RELN: variants seen among roughly 807,000 people sequenced by gnomAD.
The protein encoded by RELN is reelin.
In RELN, 108 loss-of-function variants were observed where a neutral mutation model predicts 427.6. The ratio of observed to expected loss-of-function variants is 0.25; its 90% CI spans 0.22 to 0.30. RELN has a LOEUF of 0.30. Ranked by LOEUF, RELN falls within the 10% of genes least tolerant of loss-of-function variation. The probability of loss-of-function intolerance (pLI) is 1.00; values close to 1 mark genes in which losing one functional copy is unlikely to be tolerated. For missense variants in RELN, 3,715 were observed against 4,302.8 expected, an observed-to-expected ratio of 0.86 and a Z score of 3.82; for synonymous variants, 1,524 against 1,513.4, an observed-to-expected ratio of 1.01 and a Z score of -0.16.
At chr7:103,647,150 T>C (rs1288772370) in intron 16 of RELN, among the ~76,000 whole-genome samples, 2 of 151,936 alleles carry the variant, frequency 1.3e-5, no homozygotes, top group Non-Finnish European at 2.9e-5. Flanking sequence ...AACTGGAACA[T>C]GATGAGGATG....
chr7:103,870,326 T>G (rs564695860), intron 2 of RELN, among the ~76,000 whole-genome samples: 1 of 152,220 alleles, frequency 6.6e-6, no homozygotes, highest in African/African-American at 2.4e-5. Flanking sequence ...AATGATACAA[T>G]GTAGAGAATC....
intron 7 of RELN, among the ~76,000 whole-genome samples, chr7:103,723,890 T>C (rs1354101810): frequency 6.6e-6 from 1 of 152,186 alleles, no homozygotes; most frequent in Non-Finnish European, 1.5e-5. Context: ...TTTCTGCTAC[T>C]TTTCCTTAGT....
intron 64 of RELN, chr7:103,476,656 C>A: frequency 3.8e-6 from 1 of 263,806 alleles, no homozygotes; most frequent in Non-Finnish European, 8.1e-6. Context: ...GCAAGCTATA[C>A]TAAAATGCTG....
At chr7:103,895,595 T>A (rs1794942669) in intron 2 of RELN, among the ~76,000 whole-genome samples, 1 of 152,056 alleles carries the variant, frequency 6.6e-6, no homozygotes. Context: ...TGATGCTACA[T>A]CATGAAAATG....
intron 47 of RELN, among the ~76,000 whole-genome samples, chr7:103,522,838 G>GACACACACACACACACAGAC (rs57364287): frequency 6.7e-6 from 1 of 149,604 alleles, no homozygotes; most frequent in East Asian, 2.1e-4. Context: ...CAGACACACA[G>GACACACACACACACACAGAC]ACACACACAC....
In RELN at chr7:103,902,981, A is replaced by C. The variant is rs182906597; in HGVS notation, c.337+14094T>G. Reference sequence around the variant, plus strand: ...TAAGTTTTTCTTGGATTTAACTGCCAGGAAAAGTCAACTTTATCCAAGAGT... The same window carrying C: ...TAAGTTTTTCTTGGATTTAACTGCCCGGAAAAGTCAACTTTATCCAAGAGT... On this transcript the variant is annotated intron_variant, in intron 2 of 64. Coordinates refer to ENST00000428762, the MANE Select transcript of RELN (RefSeq NM_005045.4). 6.6e-3 allele frequency among the ~76,000 whole-genome samples: 1,011 copies of C among 152,288 alleles called. 2 individuals carry two copies. The highest frequency in any genetic ancestry group is 0.011 in the Non-Finnish European group (716 of 68,006).
chr7:103,967,285 T>G (rs1016208444), intron 1 of RELN, among the ~76,000 whole-genome samples: 3 of 152,100 alleles, frequency 2.0e-5, no homozygotes, highest in African/African-American at 7.2e-5. Context: ...CCTTCCTCCC[T>G]CAGGCCTCTA....
At chr7:103,934,726 C>T (rs3808019) in intron 1 of RELN, among the ~76,000 whole-genome samples, 143,078 of 152,298 alleles carry the variant, frequency 0.94, 67,341 homozygotes, top group African/African-American at 0.99. Flanking sequence ...ACCTATTCAC[C>T]GGCTCTGGAG....
chr7:103,971,849 G>A (rs904057561), intron 1 of RELN, among the ~76,000 whole-genome samples: 6 of 152,006 alleles, frequency 3.9e-5, no homozygotes, highest in Admixed American at 1.3e-4. Flanking sequence ...GAAGCGGGAG[G>A]ATCATTTGAG....
At chr7:103,657,830 A>C (rs1833054130) in intron 12 of RELN, among the ~76,000 whole-genome samples, 1 of 152,142 alleles carries the variant, frequency 6.6e-6, no homozygotes, top group South Asian at 2.1e-4. Context: ...GGTGTGACTC[A>C]GAGGCATCTT....
intron 61 of RELN, chr7:103,484,125 C>A (rs552822903): frequency 9.4e-6 from 4 of 427,090 alleles, no homozygotes; most frequent in African/African-American, 2.0e-5. Context: ...GGTGATCCAC[C>A]CACCTCGGCC....
chr7:103,932,619 C>A lies in RELN; in HGVS notation c.227-15434G>T, dbSNP rs148253412. 4.5e-3 allele frequency among the ~76,000 whole-genome samples: 692 copies of A among 152,310 alleles called. 17 individuals are homozygous for A. The highest frequency in any genetic ancestry group is 2.5e-3 in the East Asian group (13 of 5,182). On this transcript the variant is annotated intron_variant, in intron 1 of 64. Transcript: ENST00000428762. ...CTGTTATTCCACCTGGTGGTGGAAG[C>A]AGCACCTATTCGTTGGCTTTGGAGT... is the stretch of plus-strand genomic sequence containing the variant.
chr7:103,871,760 A>G (rs1563062505), intron 2 of RELN, among the ~76,000 whole-genome samples: 1 of 152,106 alleles, frequency 6.6e-6, no homozygotes, highest in Non-Finnish European at 1.5e-5. Context: ...TGGAAGAGCA[A>G]AACAACATTT....
At chr7:103,602,004 T>A (rs140313920) in intron 24 of RELN, among the ~76,000 whole-genome samples, 1 of 152,302 alleles carries the variant, frequency 6.6e-6, no homozygotes, top group South Asian at 2.1e-4. Context: ...GGACCTGCGA[T>A]GTCTGCCCAC....
At chr7:103,967,565 T>A (rs1796684400) in intron 1 of RELN, among the ~76,000 whole-genome samples, 1 of 152,148 alleles carries the variant, frequency 6.6e-6, no homozygotes, top group Non-Finnish European at 1.5e-5. Context: ...ATTCTCCACC[T>A]GATAAATGTT....
chr7:103,884,725 A>T (rs1373829446), intron 2 of RELN, among the ~76,000 whole-genome samples: 3 of 152,242 alleles, frequency 2.0e-5, no homozygotes, highest in Non-Finnish European at 4.4e-5. Flanking sequence ...AATCAGAACC[A>T]CAATGAGATG....
At chr7:103,604,831 C>CTTTTTTTTTTTTTTTTTTTT (rs34015200) in intron 22 of RELN, among the ~76,000 whole-genome samples, 2 of 138,722 alleles carry the variant, frequency 1.4e-5, no homozygotes, top group Non-Finnish European at 3.1e-5. Context: ...ACCTATCTTT[C>CTTTTTTTTTTTTTTTTTTTT]TTTTTTTTTT....
chr7:103,909,642 AT>A (rs1364437440), intron 2 of RELN, among the ~76,000 whole-genome samples: 5 of 120,838 alleles, frequency 4.1e-5, no homozygotes, highest in African/African-American at 1.6e-4. Context: ...TATTTAATAA[AT>A]ATATATATTT....
intron 3 of RELN, among the ~76,000 whole-genome samples, chr7:103,825,850 G>T (rs1346043269): frequency 6.6e-6 from 1 of 152,000 alleles, no homozygotes; most frequent in South Asian, 2.1e-4. Flanking sequence ...AGAAAGTATG[G>T]TTCTAAACAA....
Sources: gnomAD v4.1 joint callset for allele counts (sites outside exome capture counted in the v4.1 genomes callset) on GRCh38, gnomAD v4.1.1 for gene constraint, MANE v1.5 for transcripts, NCBI Gene and HGNC (gene_info 2026-07-23, HGNC 2026-07-21) for gene names.